Variants in EPB41L5 observed in about 807,000 individuals in gnomAD.
The protein encoded by EPB41L5 is band 4.1-like protein 5.
A neutral mutation model predicts 106.6 loss-of-function variants in EPB41L5; 55 were observed. That is an observed-to-expected ratio of 0.52 (90% confidence interval 0.42 to 0.65). The LOEUF (loss-of-function observed/expected upper bound fraction) is 0.65, where lower values mean the gene tolerates loss of function less well. Among genes scored for constraint, EPB41L5 ranks in the 30% least tolerant of loss-of-function variants. The pLI is 0.00. For synonymous variants in EPB41L5, 297 were observed against 306.7 expected, an observed-to-expected ratio of 0.97 and a Z score of 0.33; for missense variants, 871 against 882.1, an observed-to-expected ratio of 0.99 and a Z score of 0.16.
intron 9 of EPB41L5, among the ~76,000 whole-genome samples, chr2:120,078,114 A>C (rs78684689): frequency 1.3e-5 from 2 of 152,134 alleles, no homozygotes; most frequent in Non-Finnish European, 1.5e-5. Flanking sequence ...TGGGGATTAC[A>C]ATATGACACA....
chr2:120,050,760 T>C (rs1312583737), intron 3 of EPB41L5, among the ~76,000 whole-genome samples: 1 of 152,246 alleles, frequency 6.6e-6, no homozygotes, highest in Non-Finnish European at 1.5e-5. Context: ...TTGGCTTTTC[T>C]GCTCTGGTTT....
intron 10 of EPB41L5, among the ~76,000 whole-genome samples, chr2:120,084,459 C>G (rs1187763151): frequency 2.0e-5 from 3 of 152,180 alleles, no homozygotes; most frequent in Admixed American, 6.5e-5. Context: ...GGCCCCTAGT[C>G]TCTTCTGGCT....
chr2:120,028,804 C>T (rs924217300), intron 2 of EPB41L5, among the ~76,000 whole-genome samples: 3 of 151,718 alleles, frequency 2.0e-5, no homozygotes, highest in African/African-American at 2.4e-5. Context: ...ATGGGAGGGG[C>T]GCATATCAAT....
chr2:120,054,933 C>G (rs1264691781), intron 3 of EPB41L5, among the ~76,000 whole-genome samples: 1 of 145,212 alleles, frequency 6.9e-6, no homozygotes, highest in Admixed American at 7.1e-5. Context: ...ATCATGCGAA[C>G]TTGGCCCACC....
intron 24 of EPB41L5, 75 bp from the exon 25 acceptor site, chr2:120,174,766 G>A: frequency 1.6e-6 from 2 of 1,243,290 alleles, no homozygotes; most frequent in South Asian, 2.4e-5. Flanking sequence ...GCTCTGTGTG[G>A]CACTAATGGA....
chr2:120,165,027 T>G, intron 22 of EPB41L5, 117 bp downstream of exon 22: 1 of 748,590 alleles, frequency 1.3e-6, no homozygotes, highest in Non-Finnish European at 2.1e-6. Flanking sequence ...TTGATAAGAG[T>G]TTATGTTTTA....
chr2:120,113,536 G>A (rs543231683), intron 16 of EPB41L5, among the ~76,000 whole-genome samples: 4 of 152,254 alleles, frequency 2.6e-5, no homozygotes, highest in Admixed American at 6.5e-5. Flanking sequence ...GTGTAACTAC[G>A]TTTAAAAAAA....
intron 16 of EPB41L5, among the ~76,000 whole-genome samples, chr2:120,123,539 A>G (rs1481556118): frequency 1.3e-5 from 2 of 152,000 alleles, no homozygotes; most frequent in African/African-American, 4.8e-5. Flanking sequence ...TCATTGAAAC[A>G]TACTTTAAAT....
chr2:120,138,271 C>T (rs1299115175), intron 18 of EPB41L5, among the ~76,000 whole-genome samples: 3 of 151,784 alleles, frequency 2.0e-5, no homozygotes, highest in Admixed American at 1.3e-4. Flanking sequence ...CTGAAAGCCT[C>T]CTTTAAGATC....
chr2:120,165,632 C>A (rs1211889758), intron 22 of EPB41L5, among the ~76,000 whole-genome samples: 1 of 152,078 alleles, frequency 6.6e-6, no homozygotes. Context: ...TATGGAGGGC[C>A]AACTGAAACA....
chr2:120,173,892 C>T (rs2105582233), intron 24 of EPB41L5, among the ~76,000 whole-genome samples: 1 of 152,220 alleles, frequency 6.6e-6, no homozygotes, highest in African/African-American at 2.4e-5. Flanking sequence ...ACTTTGTTGC[C>T]CAGACTGGTC....
chr2:120,139,635 C>G (rs969840059), intron 18 of EPB41L5, among the ~76,000 whole-genome samples: 1 of 152,094 alleles, frequency 6.6e-6, no homozygotes, highest in Admixed American at 6.5e-5. Context: ...GAGATATCAT[C>G]TCACCCCAGT....
intron 18 of EPB41L5, among the ~76,000 whole-genome samples, chr2:120,140,201 T>C (rs968683995): frequency 7.2e-5 from 11 of 151,818 alleles, no homozygotes; most frequent in African/African-American, 2.7e-4. Context: ...GCTACAAAAG[T>C]ATAGTTAGAG....
At chr2:120,101,912 T>G (rs1216467814) in intron 16 of EPB41L5, among the ~76,000 whole-genome samples, 1 of 152,202 alleles carries the variant, frequency 6.6e-6, no homozygotes, top group Non-Finnish European at 1.5e-5. Flanking sequence ...ACTTTGTGTA[T>G]ATTTGTGTGC....
At chr2:120,048,654 A>G (rs1387596978) in intron 3 of EPB41L5, among the ~76,000 whole-genome samples, 1 of 150,956 alleles carries the variant, frequency 6.6e-6, no homozygotes, top group Non-Finnish European at 1.5e-5. Context: ...TATCTCCTTC[A>G]GTTCTGCTCT....
At chr2:120,136,444 A>G (rs1685927791) in intron 18 of EPB41L5, among the ~76,000 whole-genome samples, 1 of 151,234 alleles carries the variant, frequency 6.6e-6, no homozygotes. Flanking sequence ...AAACTCTCCA[A>G]TCAAAACACA....
rs564488728 is a variant in EPB41L5 at position 120,039,828 on chromosome 2, G to GA, written c.181-2159dup. Among the ~76,000 whole-genome samples the GA allele has an allele frequency of 7.2e-3, 622 of 86,318 alleles. 1 individual carries two copies. The highest frequency in any genetic ancestry group is 0.016 in the South Asian group (42 of 2,590). The allele number at this position is 86,318 out of a possible 152,430, so 56.6% of individuals were successfully genotyped here. Reference sequence around the variant, plus strand: ...CAACAAGAGTGAAACTCTGTCTCAGGAAAAAAAAAAAAAAAAAAAGAAGAA... The same window carrying GA: ...CAACAAGAGTGAAACTCTGTCTCAGGAAAAAAAAAAAAAAAAAAAAGAAGAA... On this transcript the variant is annotated intron_variant, in intron 2 of 24. Coordinates refer to ENST00000263713, the MANE Select transcript of EPB41L5 (RefSeq NM_020909.4).
chr2:120,059,139 A>T (rs1310171584), intron 3 of EPB41L5, among the ~76,000 whole-genome samples: 1 of 152,240 alleles, frequency 6.6e-6, no homozygotes, highest in Non-Finnish European at 1.5e-5. Context: ...ATAGCCATAC[A>T]CAAATATGAC....
chr2:120,073,936 A>G (rs1558848775), intron 4 of EPB41L5, among the ~76,000 whole-genome samples, 164 bp from the exon 5 acceptor site: 1 of 152,198 alleles, frequency 6.6e-6, no homozygotes, highest in Non-Finnish European at 1.5e-5. Context: ...ATGGCTTGGT[A>G]CATTAAAAAA....
Sources: allele counts gnomAD v4.1 joint callset (sites outside exome capture counted in the v4.1 genomes callset), GRCh38; gene constraint gnomAD v4.1.1; transcripts MANE v1.5; gene names NCBI Gene and HGNC (gene_info 2026-07-23, HGNC 2026-07-21).